The following DAB1 variants were observed in gnomAD, a reference collection of about 807,000 sequenced individuals.
DAB1 encodes DAB adaptor protein 1, also known as disabled homolog 1.
In DAB1, 15 loss-of-function variants were observed where a neutral mutation model predicts 64.6. The observed-to-expected ratio is 0.23, with a 90% CI of 0.16 to 0.36. The LOEUF (loss-of-function observed/expected upper bound fraction) is 0.36. Among genes scored for constraint, DAB1 ranks in the 10% least tolerant of loss-of-function variants. DAB1 has a pLI of 1.00. For synonymous variants in DAB1, 235 were observed against 251.9 expected (o/e 0.93, Z 0.64); for missense variants, 596 against 706.7 (o/e 0.84, Z 1.78).
intron 4 of DAB1, among the ~76,000 whole-genome samples, chr1:58,206,477 T>C (rs1459915184): frequency 1.3e-5 from 2 of 152,200 alleles, no homozygotes; most frequent in African/African-American, 4.8e-5. Context: ...CTATTCCCTT[T>C]GGCTTAGTGA....
At chr1:57,108,709 G>T (rs1282837921) in intron 4 of DAB1, among the ~76,000 whole-genome samples, 2 of 152,176 alleles carry the variant, frequency 1.3e-5, no homozygotes, top group African/African-American at 4.8e-5. Flanking sequence ...AGATTGCTTG[G>T]TCCTGACTCT....
chr1:58,335,707 T>A (rs1663098044), intron 4 of DAB1, among the ~76,000 whole-genome samples: 1 of 152,164 alleles, frequency 6.6e-6, no homozygotes, highest in African/African-American at 2.4e-5. Flanking sequence ...GGGATTATAC[T>A]CTGAGGGTAA....
intron 1 of DAB1, among the ~76,000 whole-genome samples, chr1:57,347,508 G>A (rs1173253030): frequency 2.0e-5 from 3 of 152,168 alleles, no homozygotes; most frequent in African/African-American, 4.8e-5. Flanking sequence ...CAGCACAATT[G>A]TGACTTTTAT....
At chr1:57,280,332 A>C (rs1671787170) in intron 2 of DAB1, among the ~76,000 whole-genome samples, 1 of 152,210 alleles carries the variant, frequency 6.6e-6, no homozygotes, top group African/African-American at 2.4e-5. Context: ...CAGCCTTGCA[A>C]ACATGTGTAC....
chr1:57,028,061 T>G (rs1646848776), intron 9 of DAB1, among the ~76,000 whole-genome samples: 2 of 152,276 alleles, frequency 1.3e-5, no homozygotes, highest in East Asian at 3.9e-4. Context: ...TACAAGATGC[T>G]GTGGGAGTAC....
chr1:57,117,384 A>C (rs1656232676), intron 4 of DAB1, among the ~76,000 whole-genome samples: 1 of 152,218 alleles, frequency 6.6e-6, no homozygotes, highest in Admixed American at 6.5e-5. Flanking sequence ...GCAGGTGTGG[A>C]GAATTAAGAT....
At chr1:57,050,985 T>C (rs906649151) in intron 9 of DAB1, among the ~76,000 whole-genome samples, 3 of 152,188 alleles carry the variant, frequency 2.0e-5, no homozygotes, top group African/African-American at 7.2e-5. Flanking sequence ...TCAAGCCCAA[T>C]ATTCAGCAAT....
At chr1:57,087,325 C>T (rs140151850) in intron 4 of DAB1, among the ~76,000 whole-genome samples, 125 of 152,302 alleles carry the variant, frequency 8.2e-4, no homozygotes, top group East Asian at 5.0e-3. Context: ...TGGGGGATCA[C>T]GTAATCAGGG....
intron 5 of DAB1, among the ~76,000 whole-genome samples, chr1:58,125,437 G>A (rs1414345098): frequency 6.7e-6 from 1 of 148,820 alleles, no homozygotes; most frequent in East Asian, 2.0e-4. Flanking sequence ...CATATCACTT[G>A]ATACTTTTTT....
chr1:58,135,325 A>C (rs1169336747), intron 5 of DAB1, among the ~76,000 whole-genome samples: 2 of 152,158 alleles, frequency 1.3e-5, no homozygotes, highest in Admixed American at 1.3e-4. Context: ...AGGAAGAATG[A>C]GGTTATTATA....
chr1:57,959,406 T>C (rs918569824), intron 5 of DAB1, among the ~76,000 whole-genome samples: 1 of 152,202 alleles, frequency 6.6e-6, no homozygotes, highest in African/African-American at 2.4e-5. Flanking sequence ...TAAAAAAGTA[T>C]TCTACAAAAA....
At chr1:58,458,861 C>A (rs762576618) in intron 3 of DAB1, among the ~76,000 whole-genome samples, 18 of 151,982 alleles carry the variant, frequency 1.2e-4, no homozygotes, top group Non-Finnish European at 2.6e-4. Context: ...AGTCTACTTA[C>A]CAAAGTCTAA....
intron 4 of DAB1, among the ~76,000 whole-genome samples, chr1:58,166,131 C>G (rs1570437311): frequency 6.6e-6 from 1 of 152,136 alleles, no homozygotes; most frequent in Non-Finnish European, 1.5e-5. Flanking sequence ...ATACATCAAG[C>G]TAGATATGAT....
chr1:57,279,892 C>A (rs148040980), intron 2 of DAB1, among the ~76,000 whole-genome samples: 112 of 152,266 alleles, frequency 7.4e-4, no homozygotes, highest in Middle Eastern at 3.4e-3. Flanking sequence ...TCTAACTATA[C>A]AACATATTTT....
chr1:58,056,420 T>C (rs1648104750), intron 5 of DAB1: 1 of 1,561,292 alleles, frequency 6.4e-7, no homozygotes. Flanking sequence ...GTGCAGCGAA[T>C]AGGCTGCACG....
chr1:58,489,146 T>C (rs1360857250), intron 3 of DAB1, among the ~76,000 whole-genome samples: 1 of 152,168 alleles, frequency 6.6e-6, no homozygotes, highest in African/African-American at 2.4e-5. Context: ...GGGCAAGGCA[T>C]CGTGTCACCC....
At chr1:57,539,877 A>T (rs1369132921) in intron 7 of DAB1, among the ~76,000 whole-genome samples, 3 of 152,180 alleles carry the variant, frequency 2.0e-5, no homozygotes, top group Non-Finnish European at 4.4e-5. Context: ...AGTGATGGGG[A>T]AAAGTACTGC....
At chr1:57,087,725 T>C (rs1169339619) in intron 4 of DAB1, among the ~76,000 whole-genome samples, 5 of 152,200 alleles carry the variant, frequency 3.3e-5, no homozygotes, top group Non-Finnish European at 7.3e-5. Flanking sequence ...CCATCTCCAG[T>C]TGGATTAGCT....
At chr1:58,268,731 A>C (rs1320470213) in intron 4 of DAB1, among the ~76,000 whole-genome samples, 1 of 152,224 alleles carries the variant, frequency 6.6e-6, no homozygotes, top group Non-Finnish European at 1.5e-5. Flanking sequence ...TCAAAATCAC[A>C]ATGATAATTT....
Sources: allele counts gnomAD v4.1 joint callset (sites outside exome capture counted in the v4.1 genomes callset), GRCh38; gene constraint gnomAD v4.1.1; transcripts MANE v1.5; gene names NCBI Gene and HGNC (gene_info 2026-07-23, HGNC 2026-07-21).